The following ZSWIM5 variants were observed in gnomAD, a reference collection of about 807,000 sequenced individuals.
The protein encoded by ZSWIM5 is zinc finger SWIM-type containing 5.
Under a neutral mutation model 119.6 loss-of-function variants are expected in ZSWIM5, and 55 were observed. The observed-to-expected ratio is 0.46, with a 90% CI of 0.37 to 0.58. ZSWIM5 has a LOEUF of 0.58. ZSWIM5 is among the 20% of genes least tolerant of loss of function. The pLI, the probability that ZSWIM5 is intolerant of heterozygous loss-of-function variation, is 0.00. For synonymous variants in ZSWIM5, 537 were observed against 606.9 expected, an observed-to-expected ratio of 0.88 and a Z score of 1.69; for missense variants, 1,193 against 1,512.8, an observed-to-expected ratio of 0.79 and a Z score of 3.51.
chr1:45,105,637 T>C (rs1011288127), intron 1 of ZSWIM5, among the ~76,000 whole-genome samples: 1,839 of 54,012 alleles, frequency 0.034, no homozygotes, highest in Middle Eastern at 0.048. Flanking sequence ...CCGGCCGCCC[T>C]GTCTGGGAGG....
chr1:45,192,531 T>C (rs1377104146), intron 1 of ZSWIM5, among the ~76,000 whole-genome samples: 2 of 151,970 alleles, frequency 1.3e-5, no homozygotes, highest in African/African-American at 2.4e-5. Context: ...GGAAGGAAAA[T>C]AGACCTTTTG....
intron 1 of ZSWIM5, among the ~76,000 whole-genome samples, chr1:45,134,435 A>G (rs1238807507): frequency 6.6e-6 from 1 of 152,230 alleles, no homozygotes; most frequent in Non-Finnish European, 1.5e-5. Context: ...GTCCTTTAAA[A>G]ATGTTAGACT....
intron 1 of ZSWIM5, among the ~76,000 whole-genome samples, chr1:45,127,323 A>G (rs904314082): frequency 6.6e-6 from 1 of 152,226 alleles, no homozygotes; most frequent in African/African-American, 2.4e-5. Context: ...AATTTAATAC[A>G]CATTAAATTC....
At chr1:45,092,391 G>A (rs1474473268) in intron 1 of ZSWIM5, among the ~76,000 whole-genome samples, 1 of 152,100 alleles carries the variant, frequency 6.6e-6, no homozygotes, top group Non-Finnish European at 1.5e-5. Context: ...CCACCCTCCA[G>A]GTTCAAGTGA....
chr1:45,150,932 G>A (rs1645793460), intron 1 of ZSWIM5, among the ~76,000 whole-genome samples: 1 of 152,118 alleles, frequency 6.6e-6, no homozygotes, highest in Non-Finnish European at 1.5e-5. Flanking sequence ...AAGGAACCCA[G>A]GATTCTCTGT....
At chr1:45,076,290 T>C (rs1645256188) in intron 2 of ZSWIM5, among the ~76,000 whole-genome samples, 1 of 152,206 alleles carries the variant, frequency 6.6e-6, no homozygotes, top group Non-Finnish European at 1.5e-5. Flanking sequence ...TAGCATTTCT[T>C]GTAGGCCAGT....
At chr1:45,021,714 C>T (rs993545576) in intron 11 of ZSWIM5, among the ~76,000 whole-genome samples, 10 of 152,132 alleles carry the variant, frequency 6.6e-5, no homozygotes, top group African/African-American at 2.4e-4. Flanking sequence ...CCTGGTTCAG[C>T]CATTTAAGAG....
chr1:45,075,205 G>A (rs569302343), intron 2 of ZSWIM5, among the ~76,000 whole-genome samples: 1 of 151,934 alleles, frequency 6.6e-6, no homozygotes, highest in South Asian at 2.1e-4. Flanking sequence ...TGAAATGTTC[G>A]TAAATATCTA....
At chr1:45,039,953 C>G (rs1645009677) in intron 7 of ZSWIM5, among the ~76,000 whole-genome samples, 1 of 151,878 alleles carries the variant, frequency 6.6e-6, no homozygotes, top group Non-Finnish European at 1.5e-5. Context: ...TGATTGCCTG[C>G]CTCGGCCTCC....
intron 1 of ZSWIM5, among the ~76,000 whole-genome samples, chr1:45,161,481 T>C (rs1423783813): frequency 6.6e-6 from 1 of 152,194 alleles, no homozygotes; most frequent in Non-Finnish European, 1.5e-5. Context: ...CACTGTGGAT[T>C]TGATGTGCAC....
chr1:45,118,880 A>T (rs1645575207), intron 1 of ZSWIM5, among the ~76,000 whole-genome samples: 1 of 152,210 alleles, frequency 6.6e-6, no homozygotes, highest in Non-Finnish European at 1.5e-5. Flanking sequence ...AATAAGAGAA[A>T]CAGGGCCCTG....
chr1:45,078,385 T>TAC (rs1645267777), intron 2 of ZSWIM5, among the ~76,000 whole-genome samples: 1 of 152,164 alleles, frequency 6.6e-6, no homozygotes, highest in Admixed American at 6.5e-5. Flanking sequence ...GCTTTAGTGG[T>TAC]CACCCCAACC....
chr1:45,148,883 C>T (rs187216930), intron 1 of ZSWIM5, among the ~76,000 whole-genome samples: 2 of 152,306 alleles, frequency 1.3e-5, no homozygotes, highest in East Asian at 3.9e-4. Context: ...AATATTCATA[C>T]TAATTTTTTT....
chr1:45,175,720 G>A (rs903233050), intron 1 of ZSWIM5, among the ~76,000 whole-genome samples: 12 of 151,590 alleles, frequency 7.9e-5, no homozygotes, highest in African/African-American at 2.9e-4. Context: ...CCGAAGTGCT[G>A]GGATTATAGG....
At chr1:45,066,367 C>T (rs928996431) in intron 2 of ZSWIM5, among the ~76,000 whole-genome samples, 4 of 152,048 alleles carry the variant, frequency 2.6e-5, no homozygotes, top group African/African-American at 4.8e-5. Flanking sequence ...AAAGCAGATA[C>T]GGAGCTTATA....
chr1:45,086,811 G>T (rs1645332772), intron 2 of ZSWIM5, among the ~76,000 whole-genome samples: 1 of 151,174 alleles, frequency 6.6e-6, no homozygotes, highest in South Asian at 2.1e-4. Context: ...AAAGTCCTTT[G>T]CATGATGCTT....
chr1:45,024,192 CTTTTTT>C (rs59909524), intron 11 of ZSWIM5, among the ~76,000 whole-genome samples: 3 of 129,536 alleles, frequency 2.3e-5, no homozygotes, highest in Non-Finnish European at 3.2e-5. Flanking sequence ...CTTTTCTTTT[CTTTTTT>C]TTTTTTTTTG....
At chr1:45,170,702 T>A (rs193181055) in intron 1 of ZSWIM5, among the ~76,000 whole-genome samples, 9 of 152,146 alleles carry the variant, frequency 5.9e-5, no homozygotes, top group Admixed American at 3.9e-4. Flanking sequence ...GTGCTGGGAT[T>A]ACAGGTGCAC....
intron 5 of ZSWIM5, among the ~76,000 whole-genome samples, chr1:45,050,011 T>A (rs1645080213): frequency 6.6e-6 from 1 of 152,084 alleles, no homozygotes; most frequent in Non-Finnish European, 1.5e-5. Flanking sequence ...AAAACAAAAA[T>A]TTTCATGATT....
Sources: allele counts gnomAD v4.1 joint callset (sites outside exome capture counted in the v4.1 genomes callset), GRCh38; gene constraint gnomAD v4.1.1; transcripts MANE v1.5; gene names NCBI Gene and HGNC (gene_info 2026-07-23, HGNC 2026-07-21).